Variants in DLC1 observed in about 807,000 individuals in gnomAD.
DLC1 encodes DLC1 Rho GTPase activating protein.
Under a neutral mutation model 140.3 loss-of-function variants are expected in DLC1, and 54 were observed. The observed-to-expected ratio is 0.38, with a 90% confidence interval of 0.31 to 0.48. DLC1 has a LOEUF of 0.48. Among genes scored for constraint, DLC1 ranks in the 20% least tolerant of loss-of-function variants. The pLI, the probability that DLC1 is intolerant of heterozygous loss-of-function variation, is 0.96. For synonymous variants in DLC1, 986 were observed against 728.1 expected (o/e 1.35, Z -5.70); for missense variants, 2,536 against 1,907.0 (o/e 1.33, Z -6.14).
intron 2 of DLC1, among the ~76,000 whole-genome samples, chr8:13,416,579 T>G (rs953217157): frequency 3.5e-4 from 53 of 152,300 alleles, no homozygotes; most frequent in African/African-American, 1.3e-3. Flanking sequence ...CTGAAATGTT[T>G]CATTTCAGAA....
intron 2 of DLC1, among the ~76,000 whole-genome samples, chr8:13,406,376 A>G (rs1334551684): frequency 1.3e-5 from 2 of 151,988 alleles, no homozygotes; most frequent in African/African-American, 4.8e-5. Context: ...ATTGACCACT[A>G]TGTGCTGTAC....
At chr8:13,490,071 C>G (rs919993317) in intron 2 of DLC1, among the ~76,000 whole-genome samples, 1 of 152,018 alleles carries the variant, frequency 6.6e-6, no homozygotes, top group Non-Finnish European at 1.5e-5. Flanking sequence ...TTAGGTTGTG[C>G]TTTTTTTCCT....
chr8:13,251,391 C>T (rs1829997488), intron 5 of DLC1, among the ~76,000 whole-genome samples: 1 of 152,046 alleles, frequency 6.6e-6, no homozygotes, highest in Non-Finnish European at 1.5e-5. Flanking sequence ...CAATTTCGTA[C>T]TGGATTGATA....
upstream of DLC1, among the ~76,000 whole-genome samples, chr8:13,515,956 G>A (rs536340204): frequency 6.6e-6 from 1 of 152,274 alleles, no homozygotes; most frequent in Admixed American, 6.5e-5. Context: ...CCTCTTTAGA[G>A]AATGTGGAAG....
At chr8:13,184,593 A>T (rs1233096967) in intron 5 of DLC1, among the ~76,000 whole-genome samples, 1 of 152,100 alleles carries the variant, frequency 6.6e-6, no homozygotes, top group East Asian at 1.9e-4. Flanking sequence ...TTCAGTTTCC[A>T]TGTAGTTGTG....
At chr8:13,383,816 C>T (rs775992682) in intron 4 of DLC1, among the ~76,000 whole-genome samples, 1 of 152,260 alleles carries the variant, frequency 6.6e-6, no homozygotes, top group African/African-American at 2.4e-5. Context: ...TTCAGCCACA[C>T]GAATAAGCCA....
At chr8:13,259,006 G>A (rs919897217) in intron 5 of DLC1, among the ~76,000 whole-genome samples, 7 of 151,666 alleles carry the variant, frequency 4.6e-5, no homozygotes, top group African/African-American at 7.3e-5. Context: ...GCGTGGTGGC[G>A]GGCGCCTGTA....
At chr8:13,353,186 G>A (rs1373532426) in intron 4 of DLC1, among the ~76,000 whole-genome samples, 4 of 152,168 alleles carry the variant, frequency 2.6e-5, no homozygotes, top group Non-Finnish European at 2.9e-5. Context: ...CCCAGGTGAG[G>A]CCTGCCCTGC....
chr8:13,199,850 A>T (rs1411845558), intron 5 of DLC1, among the ~76,000 whole-genome samples: 2 of 152,170 alleles, frequency 1.3e-5, no homozygotes, highest in Non-Finnish European at 2.9e-5. Context: ...ATAAGATGCT[A>T]TGATGCTTGG....
chr8:13,094,784 C>G lies in DLC1; in HGVS notation c.3501G>C (p.Ser1167=), dbSNP rs658856. Residue 1167 remains serine (S), a synonymous_variant, in exon 12 of 18, where the codon TCG becomes TCC. Transcript: ENST00000276297. The part of the protein sequence containing the change: ...LPEPLMTNKL[S]ETFLQIYQYV... Reference sequence around the variant, plus strand: ...ATTGGTAGATCTGTAGAAAGGTTTCCGAGAGTTTGTTCGTCATTAGTGGCT... The same window carrying G: ...ATTGGTAGATCTGTAGAAAGGTTTCGGAGAGTTTGTTCGTCATTAGTGGCT... The G allele has an allele frequency of 1.2e-6, 2 of 1,613,894 alleles. No individual in the cohort carries two copies. The highest frequency in any genetic ancestry group is 1.7e-6 in the Non-Finnish European group (2 of 1,180,006).
intron 1 of DLC1, among the ~76,000 whole-genome samples, chr8:13,576,252 T>G (rs1259164556): frequency 6.6e-6 from 1 of 152,104 alleles, no homozygotes; most frequent in Non-Finnish European, 1.5e-5. Flanking sequence ...TCCCAGGTAG[T>G]TAAGGGGTTT....
intron 2 of DLC1, among the ~76,000 whole-genome samples, chr8:13,437,384 T>C (rs972859073): frequency 9.9e-5 from 15 of 152,232 alleles, no homozygotes; most frequent in Admixed American, 4.6e-4. Context: ...GTGAACACTG[T>C]AGTCAATTGA....
intron 5 of DLC1, among the ~76,000 whole-genome samples, chr8:13,171,126 A>G (rs1414557526): frequency 6.6e-6 from 1 of 152,230 alleles, no homozygotes; most frequent in African/African-American, 2.4e-5. Flanking sequence ...TGCAGGAGAA[A>G]AAAAGGGAAT....
At chr8:13,478,716 A>C (rs2117105138) in intron 2 of DLC1, among the ~76,000 whole-genome samples, 1 of 152,332 alleles carries the variant, frequency 6.6e-6, no homozygotes, top group South Asian at 2.1e-4. Context: ...ATCAGCTTCC[A>C]ATATAATGTT....
chr8:13,172,028 A>G (rs1308342772), intron 5 of DLC1, among the ~76,000 whole-genome samples: 4 of 152,228 alleles, frequency 2.6e-5, no homozygotes, highest in African/African-American at 4.8e-5. Context: ...CATCACTACC[A>G]TTAAAAAGTC....
intron 1 of DLC1, among the ~76,000 whole-genome samples, chr8:13,586,817 G>T (rs948654480): frequency 1.3e-5 from 2 of 152,048 alleles, no homozygotes; most frequent in Non-Finnish European, 2.9e-5. Context: ...AGTGCCTATA[G>T]ATAGTATTCA....
At chr8:13,108,237 G>C (rs1032910333) in intron 7 of DLC1, among the ~76,000 whole-genome samples, 1 of 152,066 alleles carries the variant, frequency 6.6e-6, no homozygotes, top group Non-Finnish European at 1.5e-5. Flanking sequence ...TGTGAACTCT[G>C]AAGAATTTCC....
At chr8:13,089,769 C>A (rs1157098798) in intron 15 of DLC1, among the ~76,000 whole-genome samples, 1 of 152,218 alleles carries the variant, frequency 6.6e-6, no homozygotes, top group African/African-American at 2.4e-5. Context: ...TGGACCTATC[C>A]TGCTGAGCCT....
chr8:13,418,075 T>G (rs950296272), intron 2 of DLC1, among the ~76,000 whole-genome samples: 4 of 152,200 alleles, frequency 2.6e-5, no homozygotes, highest in African/African-American at 9.6e-5. Flanking sequence ...GTTTTTTTCT[T>G]GTAAATTTGT....
Sources: gnomAD v4.1 joint callset for allele counts (sites outside exome capture counted in the v4.1 genomes callset) on GRCh38, gnomAD v4.1.1 for gene constraint, MANE v1.5 for transcripts, NCBI Gene and HGNC (gene_info 2026-07-23, HGNC 2026-07-21) for gene names.